The following RALGPS1 variants were observed in gnomAD, a reference collection of about 807,000 sequenced individuals.
The protein encoded by RALGPS1 is ras-specific guanine nucleotide-releasing factor RalGPS1.
A neutral mutation model predicts 78.8 loss-of-function variants in RALGPS1; 19 were observed. That is an observed-to-expected ratio of 0.24 (90% CI 0.17 to 0.35). The LOEUF is 0.35. RALGPS1 is among the 10% of genes least tolerant of loss of function. The pLI is 1.00. For missense variants in RALGPS1, 454 were observed against 688.3 expected (o/e 0.66, Z 3.81); for synonymous variants, 228 against 256.3 (o/e 0.89, Z 1.06).
intron 8 of RALGPS1, among the ~76,000 whole-genome samples, chr9:127,107,321 G>A (rs1231588982): frequency 2.0e-5 from 3 of 152,136 alleles, no homozygotes; most frequent in Admixed American, 6.5e-5. Context: ...AACGGTATTC[G>A]GAGAATTGCT....
chr9:127,024,749 A>G (rs1454390268), intron 4 of RALGPS1, among the ~76,000 whole-genome samples: 20 of 151,996 alleles, frequency 1.3e-4, no homozygotes. Flanking sequence ...ATGTTGATTC[A>G]TGTTATATTT....
intron 5 of RALGPS1, among the ~76,000 whole-genome samples, chr9:127,037,370 C>T (rs1034809953): frequency 6.6e-6 from 1 of 152,222 alleles, no homozygotes; most frequent in Non-Finnish European, 1.5e-5. Context: ...GGCCCCTCCT[C>T]TCTTTGGGTC....
intron 1 of RALGPS1, among the ~76,000 whole-genome samples, chr9:126,952,514 C>CTTA (rs2037917353): frequency 6.6e-6 from 1 of 152,086 alleles, no homozygotes; most frequent in Admixed American, 6.5e-5. Context: ...CATGGCCATC[C>CTTA]TTACACAAGG....
At chr9:126,924,545 C>A (rs2035079929) in intron 1 of RALGPS1, among the ~76,000 whole-genome samples, 1 of 152,222 alleles carries the variant, frequency 6.6e-6, no homozygotes, top group African/African-American at 2.4e-5. Flanking sequence ...TTGAGACTCC[C>A]ACTTTCCATG....
chr9:127,002,552 C>G (rs532277680), intron 4 of RALGPS1, among the ~76,000 whole-genome samples: 14 of 147,648 alleles, frequency 9.5e-5, no homozygotes, highest in Non-Finnish European at 1.3e-4. Context: ...CCCACTAGCT[C>G]GTCATCTAGC....
intron 8 of RALGPS1, among the ~76,000 whole-genome samples, chr9:127,140,334 T>C (rs1367145348): frequency 6.6e-6 from 1 of 152,182 alleles, no homozygotes; most frequent in African/African-American, 2.4e-5. Context: ...CGGGCACTTG[T>C]GTAAAATGAT....
At chr9:127,127,428 C>T (rs1360614176) in intron 8 of RALGPS1, among the ~76,000 whole-genome samples, 1 of 152,166 alleles carries the variant, frequency 6.6e-6, no homozygotes, top group South Asian at 2.1e-4. Context: ...GTTTTCTCAC[C>T]CAAACCTTCT....
chr9:127,139,942 C>T (rs747557025), intron 8 of RALGPS1, among the ~76,000 whole-genome samples: 3 of 152,200 alleles, frequency 2.0e-5, no homozygotes, highest in Non-Finnish European at 2.9e-5. Context: ...CCGTGCCACC[C>T]GCCCATGCCA....
chr9:126,947,005 A>G (rs557863232), intron 1 of RALGPS1, among the ~76,000 whole-genome samples: 1 of 152,334 alleles, frequency 6.6e-6, no homozygotes, highest in Non-Finnish European at 1.5e-5. Flanking sequence ...CGCTCTAGCC[A>G]GCCTTTCATA....
intron 14 of RALGPS1, among the ~76,000 whole-genome samples, chr9:127,200,940 C>T (rs904225636): frequency 6.6e-6 from 1 of 152,226 alleles, no homozygotes; most frequent in Non-Finnish European, 1.5e-5. Flanking sequence ...CTCGCTTATT[C>T]CTTCATTCAC....
At chr9:127,086,662 C>T (rs1233415747) in intron 8 of RALGPS1, among the ~76,000 whole-genome samples, 1 of 152,148 alleles carries the variant, frequency 6.6e-6, no homozygotes, top group East Asian at 1.9e-4. Flanking sequence ...TAATCTTGGT[C>T]ATGTTTTATT....
intron 1 of RALGPS1, among the ~76,000 whole-genome samples, chr9:126,942,900 C>T (rs1429103203): frequency 1.3e-5 from 2 of 151,584 alleles, no homozygotes; most frequent in African/African-American, 2.4e-5. Context: ...GATTTTTGTA[C>T]ATTTCTTTTA....
rs1027917042 is a variant in RALGPS1, at chr9:127,183,959, A to C, written c.910+9177A>C. ...CCAACACCCTGCCTGGATGTGGCCC[A>C]GCTCCTCACGAGTACCAGCGGCTCC... On this transcript the variant is annotated intron_variant, in intron 11 of 18. Coordinates refer to ENST00000259351, the MANE Select transcript of RALGPS1 (RefSeq NM_014636.3). The surrounding 1 kb of genome is among the most constrained non-coding windows in gnomAD (Gnocchi z 4.0). 1.3e-6 allele frequency: 2 copies of C among 1,550,474 alleles called. No individual in the cohort carries two copies. The highest frequency in any genetic ancestry group is 1.7e-6 in the Non-Finnish European group (2 of 1,146,980).
intron 8 of RALGPS1, among the ~76,000 whole-genome samples, chr9:127,081,156 T>C (rs564321101): frequency 2.1e-4 from 32 of 152,350 alleles, no homozygotes; most frequent in African/African-American, 5.5e-4. Flanking sequence ...TATGCCTATT[T>C]TTTCCACTCT....
In RALGPS1 at chr9:127,183,194, A is replaced by G. The variant is rs2060396950; in HGVS notation, c.910+8412A>G. ...CCAGGCCTCGCCTCCAACACTGGGAATCACATTTCAACATGACATTTGGAG... is the reference window on the plus strand; with the variant it reads ...CCAGGCCTCGCCTCCAACACTGGGAGTCACATTTCAACATGACATTTGGAG... On this transcript the variant is annotated intron_variant, in intron 11 of 18. Coordinates refer to ENST00000259351, the MANE Select transcript of RALGPS1 (RefSeq NM_014636.3). The surrounding 1 kb of genome is among the most constrained non-coding windows in gnomAD (Gnocchi z 4.0). Among the ~76,000 whole-genome samples, 1 of 152,138 alleles carries G rather than the reference A, an allele frequency of 6.6e-6. No individual in the cohort carries two copies. Among genetic ancestry groups the G allele is most frequent in the Non-Finnish European group, 1.5e-5 (1 of 68,012 alleles).
rs2048876083 is a variant in RALGPS1, at chr9:127,057,881, T to G, written c.483+4942T>G. Among the ~76,000 whole-genome samples the G allele has an allele frequency of 2.0e-5, 3 of 152,324 alleles. No individual in the cohort carries two copies. In the South Asian group the frequency reaches 6.2e-4, roughly 32 times the overall value. On this transcript the variant is annotated intron_variant, in intron 7 of 18. Transcript: ENST00000259351. The stretch of plus-strand genomic sequence containing the variant: ...GATCAATAAATGTTTATTGAATACA[T>G]GAAGTGATCAGCAAAGAGCTGTCAA...
intron 1 of RALGPS1, among the ~76,000 whole-genome samples, chr9:126,923,306 C>T (rs1479994106): frequency 1.3e-5 from 2 of 152,172 alleles, no homozygotes; most frequent in Non-Finnish European, 2.9e-5. Context: ...AGAGGTTAAA[C>T]ACATTGCCCA....
chr9:127,066,575 G>T (rs1165309233), intron 7 of RALGPS1, among the ~76,000 whole-genome samples: 4 of 152,112 alleles, frequency 2.6e-5, no homozygotes, highest in Non-Finnish European at 4.4e-5. Flanking sequence ...CAGGAGTCAG[G>T]GGTTGCAGTG....
chr9:126,948,792 C>T (rs968549542), intron 1 of RALGPS1, among the ~76,000 whole-genome samples: 3 of 151,938 alleles, frequency 2.0e-5, no homozygotes, highest in East Asian at 1.9e-4. Context: ...CCCTTCTTTC[C>T]GTGCTTGCTC....
Sources: allele counts gnomAD v4.1 joint callset (sites outside exome capture counted in the v4.1 genomes callset), GRCh38; gene constraint gnomAD v4.1.1; non-coding constraint Gnocchi (gnomAD v3.1); transcripts MANE v1.5; gene names NCBI Gene and HGNC (gene_info 2026-07-23, HGNC 2026-07-21).